SAMD4A: variants seen among roughly 807,000 people sequenced by gnomAD.
SAMD4A encodes the protein sterile alpha motif domain containing 4A, also known as protein Smaug homolog 1.
In SAMD4A, 33 loss-of-function variants were observed where a neutral mutation model predicts 81.3. The observed-to-expected ratio is 0.41, with a 90% CI of 0.31 to 0.54. The LOEUF (loss-of-function observed/expected upper bound fraction) is 0.54, where lower values mean the gene tolerates loss of function less well. Ranked by LOEUF, SAMD4A falls within the 20% of genes least tolerant of loss-of-function variation. The pLI is 0.37. For synonymous variants in SAMD4A, 389 were observed against 382.1 expected (o/e 1.02, Z -0.21); for missense variants, 854 against 951.1 (o/e 0.90, Z 1.34).
chr14:54,715,094 T>C (rs927069775), intron 3 of SAMD4A, among the ~76,000 whole-genome samples: 3 of 152,156 alleles, frequency 2.0e-5, no homozygotes, highest in Admixed American at 6.5e-5. Context: ...TTTTAAAAAT[T>C]ATCCTTAAGT....
intron 2 of SAMD4A, among the ~76,000 whole-genome samples, chr14:54,646,277 GCTTTCT>G (rs1424102682): frequency 1.3e-5 from 2 of 152,164 alleles, no homozygotes; most frequent in South Asian, 2.1e-4. Context: ...GCCAGTTGAA[GCTTTCT>G]CAGTACTACC....
intron 11 of SAMD4A, among the ~76,000 whole-genome samples, chr14:54,783,420 G>A (rs2039052692): frequency 6.6e-6 from 1 of 152,196 alleles, no homozygotes; most frequent in African/African-American, 2.4e-5. Flanking sequence ...GGTGAGAGGA[G>A]GTGGCTCCCA....
At chr14:54,683,068 G>T (rs976696544) in intron 2 of SAMD4A, among the ~76,000 whole-genome samples, 7 of 152,158 alleles carry the variant, frequency 4.6e-5, no homozygotes, top group Admixed American at 1.3e-4. Flanking sequence ...GACAGAGTGT[G>T]TACTGACACT....
intron 5 of SAMD4A, among the ~76,000 whole-genome samples, chr14:54,750,319 A>G (rs1350199763): frequency 6.6e-6 from 1 of 152,136 alleles, no homozygotes; most frequent in East Asian, 1.9e-4. Context: ...TTTGAGTCTT[A>G]ATTTTTCTAG....
intron 2 of SAMD4A, among the ~76,000 whole-genome samples, chr14:54,607,696 C>T (rs1188072955): frequency 1.7e-4 from 26 of 152,044 alleles, no homozygotes; most frequent in African/African-American, 5.1e-4. Context: ...CCTTGTGATC[C>T]GCCCGCCTCG....
At chr14:54,737,561 T>TTTTTTCTTTTTTG in intron 4 of SAMD4A, among the ~76,000 whole-genome samples, 1 of 122,650 alleles carries the variant, frequency 8.2e-6, no homozygotes, top group African/African-American at 3.1e-5. Context: ...TTTTTTTTTT[T>TTTTTTCTTTTTTG]GCATTGCAGT....
At chr14:54,635,207 G>A (rs190446889) in intron 2 of SAMD4A, among the ~76,000 whole-genome samples, 1 of 152,222 alleles carries the variant, frequency 6.6e-6, no homozygotes, top group East Asian at 1.9e-4. Context: ...TGGATCACTT[G>A]AGGACAGGAG....
chr14:54,724,905 A>G (rs1383696149), intron 3 of SAMD4A, among the ~76,000 whole-genome samples: 3 of 152,142 alleles, frequency 2.0e-5, no homozygotes, highest in Admixed American at 2.0e-4. Flanking sequence ...ATCTCATCCA[A>G]ATGAGCTGGG....
At chr14:54,765,009 C>T (rs1370743781) in intron 8 of SAMD4A, among the ~76,000 whole-genome samples, 2 of 152,282 alleles carry the variant, frequency 1.3e-5, no homozygotes, top group African/African-American at 2.4e-5. Context: ...TTGTAGGAAT[C>T]GTATTTGCCA....
chr14:54,744,771 C>T (rs975326958), intron 4 of SAMD4A, among the ~76,000 whole-genome samples: 5 of 152,222 alleles, frequency 3.3e-5, no homozygotes, highest in African/African-American at 1.2e-4. Flanking sequence ...TCACCCACTT[C>T]TGTGGCTAAA....
intron 3 of SAMD4A, among the ~76,000 whole-genome samples, chr14:54,716,080 A>C (rs1490334907): frequency 6.6e-6 from 1 of 152,328 alleles, no homozygotes; most frequent in East Asian, 1.9e-4. Flanking sequence ...AAAGTGGACT[A>C]TTCGAAGGCT....
chr14:54,685,282 C>CG (rs1555343068), intron 2 of SAMD4A, among the ~76,000 whole-genome samples: 11 of 139,856 alleles, frequency 7.9e-5, no homozygotes, highest in East Asian at 4.1e-4. Context: ...CTGCCCCCCC[C>CG]CCCAGCTCCT....
chr14:54,632,633 T>C (rs2034929570), intron 2 of SAMD4A, among the ~76,000 whole-genome samples: 1 of 152,230 alleles, frequency 6.6e-6, no homozygotes, highest in South Asian at 2.1e-4. Flanking sequence ...AGTATGTATA[T>C]AATGCATCAT....
intron 2 of SAMD4A, among the ~76,000 whole-genome samples, chr14:54,605,672 T>C (rs1350973535): frequency 6.6e-6 from 1 of 152,190 alleles, no homozygotes; most frequent in South Asian, 2.1e-4. Flanking sequence ...ATAATTTTAA[T>C]GGCTATAATA....
At position 54,702,519 on chromosome 14, in the gene SAMD4A, C is replaced by G. The variant is rs376733440; in HGVS notation, c.654C>G (p.Pro218=). ...TGGGGTGTGAGAATGGCCATGTGCC[C>G]CTCTACTCCTCCTCATCTGTCCCCA... ...KSMGCENGHV[P]LYSSSSVPTT... The change falls in exon 3 of 13, where the codon CCC becomes CCG. Residue 218 remains proline (P), a synonymous_variant. Coordinates refer to ENST00000554335, the MANE Select transcript of SAMD4A (RefSeq NM_015589.6). 1 of 1,614,026 alleles carries G rather than the reference C, an allele frequency of 6.2e-7. No individual in the cohort carries two copies. Among genetic ancestry groups the G allele is most frequent in the African/African-American group, 1.3e-5 (1 of 74,916 alleles).
At chr14:54,636,637 G>A (rs1488004874) in intron 2 of SAMD4A, among the ~76,000 whole-genome samples, 2 of 152,156 alleles carry the variant, frequency 1.3e-5, no homozygotes, top group African/African-American at 4.8e-5. Context: ...AAGTGGTCGT[G>A]CTCTGAATAT....
At chr14:54,593,944 G>A (rs967266658) in intron 2 of SAMD4A, among the ~76,000 whole-genome samples, 2 of 152,080 alleles carry the variant, frequency 1.3e-5, no homozygotes, top group African/African-American at 4.8e-5. Flanking sequence ...TGTTGTCCTA[G>A]TTCTGATGGG....
chr14:54,755,996 T>C (rs571402016), intron 6 of SAMD4A, among the ~76,000 whole-genome samples: 32 of 152,304 alleles, frequency 2.1e-4, no homozygotes, highest in Middle Eastern at 3.4e-3. Flanking sequence ...AATGCTTCTC[T>C]GTAAGCCTGC....
intron 2 of SAMD4A, among the ~76,000 whole-genome samples, chr14:54,580,421 A>T (rs1202864153): frequency 6.6e-6 from 1 of 152,168 alleles, no homozygotes; most frequent in Non-Finnish European, 1.5e-5. Context: ...TTGAAATTGC[A>T]GAGTGTTATA....
Sources: allele counts gnomAD v4.1 joint callset (sites outside exome capture counted in the v4.1 genomes callset), GRCh38; gene constraint gnomAD v4.1.1; transcripts MANE v1.5; gene names NCBI Gene and HGNC (gene_info 2026-07-23, HGNC 2026-07-21).